Variants in UST observed in about 807,000 individuals in gnomAD.
UST encodes chondroitin sulfate 2-O-sulfotransferase.
UST carries 21 observed loss-of-function variants against 45.6 expected under a neutral mutation model. The ratio of observed to expected loss-of-function variants is 0.46; its 90% CI spans 0.33 to 0.66. The LOEUF is 0.66. Among genes scored for constraint, UST ranks in the 30% least tolerant of loss-of-function variants. The pLI is 0.02. For synonymous variants in UST, 215 were observed against 200.6 expected, an observed-to-expected ratio of 1.07 and a Z score of -0.61; for missense variants, 463 against 512.4, an observed-to-expected ratio of 0.90 and a Z score of 0.93.
At chr6:148,795,893 A>G (rs1401430912) in intron 1 of UST, among the ~76,000 whole-genome samples, 1 of 152,204 alleles carries the variant, frequency 6.6e-6, no homozygotes, top group Non-Finnish European at 1.5e-5. Context: ...ATTTCCAGAG[A>G]CAATTTATTA....
At chr6:149,028,060 T>G (rs1042179006) in intron 7 of UST, among the ~76,000 whole-genome samples, 2 of 151,980 alleles carry the variant, frequency 1.3e-5, no homozygotes, top group African/African-American at 2.4e-5. Flanking sequence ...ATCAGGCTGG[T>G]CTTGAACTCC....
chr6:149,059,978 C>A (rs1345851187), intron 7 of UST, among the ~76,000 whole-genome samples: 1 of 152,198 alleles, frequency 6.6e-6, no homozygotes. Flanking sequence ...CGACCTACCC[C>A]ACACAGACCA....
intron 5 of UST, among the ~76,000 whole-genome samples, chr6:148,970,076 G>C (rs761025511): frequency 2.0e-5 from 3 of 152,208 alleles, no homozygotes; most frequent in African/African-American, 7.2e-5. Context: ...TCAGAGATAC[G>C]CTGCGAAATA....
chr6:148,854,563 G>A (rs1361139802), intron 1 of UST, among the ~76,000 whole-genome samples: 1 of 152,054 alleles, frequency 6.6e-6, no homozygotes, highest in African/African-American at 2.4e-5. Flanking sequence ...GATTCATTAT[G>A]GAACAAATCT....
At chr6:149,070,950 T>C (rs985696573) in intron 7 of UST, among the ~76,000 whole-genome samples, 1 of 152,130 alleles carries the variant, frequency 6.6e-6, no homozygotes, top group Non-Finnish European at 1.5e-5. Context: ...GTATTTTTAG[T>C]AGAGACAGGG....
chr6:149,020,871 A>G (rs558442772), intron 6 of UST, among the ~76,000 whole-genome samples: 5 of 152,246 alleles, frequency 3.3e-5, no homozygotes, highest in Non-Finnish European at 4.4e-5. Context: ...GATGATTAAT[A>G]GGCATGACCT....
At chr6:148,840,580 C>A (rs1366007606) in intron 1 of UST, among the ~76,000 whole-genome samples, 1 of 152,182 alleles carries the variant, frequency 6.6e-6, no homozygotes, top group African/African-American at 2.4e-5. Flanking sequence ...TTAAGTCCCA[C>A]AGTGGACTCT....
At chr6:148,997,925 A>G (rs9498189) in intron 5 of UST, among the ~76,000 whole-genome samples, 8,245 of 152,310 alleles carry the variant, frequency 0.054, 629 homozygotes, top group African/African-American at 0.18. Context: ...AGAAAGGAGA[A>G]GCTGTGGGCT....
At chr6:148,964,137 A>G (rs1780728438) in intron 4 of UST, among the ~76,000 whole-genome samples, 1 of 152,172 alleles carries the variant, frequency 6.6e-6, no homozygotes. Flanking sequence ...CTTCCTTAAC[A>G]TGCACAATGG....
intron 4 of UST, among the ~76,000 whole-genome samples, chr6:148,956,566 C>T (rs1780512115): frequency 6.6e-6 from 1 of 152,126 alleles, no homozygotes; most frequent in South Asian, 2.1e-4. Context: ...TGGGTGGGGA[C>T]ACGGAGCCAA....
intron 5 of UST, among the ~76,000 whole-genome samples, chr6:149,018,576 C>A (rs115505954): frequency 0.02 from 3,001 of 152,180 alleles, 123 homozygotes; most frequent in African/African-American, 0.07. Flanking sequence ...AAAACCTGGA[C>A]GTCACAACTG....
chr6:148,952,188 C>T (rs889948722), intron 3 of UST, among the ~76,000 whole-genome samples: 2 of 152,172 alleles, frequency 1.3e-5, no homozygotes, highest in Non-Finnish European at 2.9e-5. Flanking sequence ...GATAAATTAC[C>T]TATGGTTATG....
chr6:148,837,876 T>C (rs956663423), intron 1 of UST, among the ~76,000 whole-genome samples: 5 of 152,146 alleles, frequency 3.3e-5, no homozygotes, highest in African/African-American at 1.2e-4. Flanking sequence ...CTAAATTTTG[T>C]ATTTTTTGTA....
intron 7 of UST, among the ~76,000 whole-genome samples, chr6:149,028,412 A>G (rs1411674988): frequency 6.6e-6 from 1 of 152,218 alleles, no homozygotes; most frequent in Non-Finnish European, 1.5e-5. Flanking sequence ...CACAGGAGAG[A>G]CAGGGCTGTC....
intron 1 of UST, among the ~76,000 whole-genome samples, chr6:148,870,418 C>A (rs550810795): frequency 6.6e-6 from 1 of 152,280 alleles, no homozygotes; most frequent in Non-Finnish European, 1.5e-5. Flanking sequence ...TGAGGACTTC[C>A]ATTTGCCTTT....
chr6:148,770,267 A>G (rs576969429), intron 1 of UST, among the ~76,000 whole-genome samples: 1 of 151,520 alleles, frequency 6.6e-6, no homozygotes, highest in East Asian at 1.9e-4. Context: ...TTCAGGGAAA[A>G]GGTGACACTT....
intron 5 of UST, among the ~76,000 whole-genome samples, chr6:148,978,839 A>C (rs1211178957): frequency 6.6e-6 from 1 of 151,686 alleles, no homozygotes; most frequent in Non-Finnish European, 1.5e-5. Context: ...TAAGGTAAAA[A>C]TTTTTTTAAA....
At chr6:149,068,761 T>C (rs1243450646) in intron 7 of UST, among the ~76,000 whole-genome samples, 1 of 152,224 alleles carries the variant, frequency 6.6e-6, no homozygotes, top group African/African-American at 2.4e-5. Flanking sequence ...AATTTTTTTT[T>C]CTAGCTACTT....
At chr6:148,994,029 G>A (rs1358493218) in intron 5 of UST, among the ~76,000 whole-genome samples, 1 of 134,216 alleles carries the variant, frequency 7.5e-6, no homozygotes, top group Admixed American at 8.2e-5. Flanking sequence ...GAATGCAGTG[G>A]CATGATCTTG....
Sources: allele counts gnomAD v4.1 joint callset (sites outside exome capture counted in the v4.1 genomes callset), GRCh38; gene constraint gnomAD v4.1.1; transcripts MANE v1.5; gene names NCBI Gene and HGNC (gene_info 2026-07-23, HGNC 2026-07-21).